The following NUS1 variants were observed in gnomAD, a reference collection of about 807,000 sequenced individuals.
NUS1 encodes the protein dehydrodolichyl diphosphate synthase complex subunit NUS1.
For synonymous variants in NUS1, 135 were observed against 155.2 expected (o/e 0.87, Z 0.97); for missense variants, 292 against 382.9 (o/e 0.76, Z 1.98).
At chr6:117,690,301 TA>T (rs142862001) in intron 1 of NUS1, among the ~76,000 whole-genome samples, 16,887 of 152,208 alleles carry the variant, frequency 0.11, 1,606 homozygotes, top group African/African-American at 0.26. Flanking sequence ...CATTCATACG[TA>T]GTGCCATCTT....
intron 4 of NUS1, among the ~76,000 whole-genome samples, chr6:117,705,635 TG>T (rs1406116605): frequency 1.3e-5 from 2 of 151,926 alleles, no homozygotes; most frequent in Non-Finnish European, 2.9e-5. Flanking sequence ...AAGGGAAGGG[TG>T]GGGTTCTGAC....
chr6:117,696,593 A>G (rs893243624), intron 3 of NUS1, among the ~76,000 whole-genome samples: 1 of 152,196 alleles, frequency 6.6e-6, no homozygotes, highest in Non-Finnish European at 1.5e-5. Context: ...GAAACCTTAC[A>G]GGCTGGGAGA....
chr6:117,685,551 T>C (rs1311763635), intron 1 of NUS1, among the ~76,000 whole-genome samples: 1 of 151,974 alleles, frequency 6.6e-6, no homozygotes, highest in African/African-American at 2.4e-5. Context: ...AGGGTCTTGC[T>C]ACATTGCTCA....
intron 1 of NUS1, among the ~76,000 whole-genome samples, chr6:117,690,451 A>G (rs747305342): frequency 3.0e-4 from 46 of 152,142 alleles, no homozygotes; most frequent in Admixed American, 7.2e-4. Flanking sequence ...CTGAGCTCCC[A>G]TATTCTTTCA....
chr6:117,692,041 A>G (rs1309926529), intron 1 of NUS1, among the ~76,000 whole-genome samples: 1 of 152,146 alleles, frequency 6.6e-6, no homozygotes, highest in African/African-American at 2.4e-5. Context: ...GGATATTGAA[A>G]TGAATATATA....
At chr6:117,686,985 T>C (rs554010394) in intron 1 of NUS1, among the ~76,000 whole-genome samples, 26 of 152,094 alleles carry the variant, frequency 1.7e-4, no homozygotes, top group South Asian at 6.2e-4. Flanking sequence ...GGTCAAGTTA[T>C]GAGTTATTAG....
At chr6:117,683,629 T>G (rs73528143) in intron 1 of NUS1, among the ~76,000 whole-genome samples, 452 of 151,946 alleles carry the variant, frequency 3.0e-3, no homozygotes, top group African/African-American at 0.01. Context: ...GAGAGATTGT[T>G]TCAATGCTTA....
At chr6:117,680,631 G>A (rs1031147109) in intron 1 of NUS1, among the ~76,000 whole-genome samples, 2 of 152,176 alleles carry the variant, frequency 1.3e-5, no homozygotes. Flanking sequence ...CAAGCTACCT[G>A]TATGATACTT....
chr6:117,676,337 G>T (rs1325686679), intron 1 of NUS1, among the ~76,000 whole-genome samples: 1 of 152,238 alleles, frequency 6.6e-6, no homozygotes, highest in African/African-American at 2.4e-5. Context: ...CCAGCACTTT[G>T]GGAGGCCGAG....
intron 1 of NUS1, among the ~76,000 whole-genome samples, chr6:117,677,153 G>A (rs1772996273): frequency 6.6e-6 from 1 of 152,184 alleles, no homozygotes; most frequent in South Asian, 2.1e-4. Context: ...CTAAAGCACT[G>A]TGCTAGGCAT....
chr6:117,679,933 G>A (rs1480892351), intron 1 of NUS1, among the ~76,000 whole-genome samples: 2 of 152,134 alleles, frequency 1.3e-5, no homozygotes, highest in East Asian at 3.8e-4. Context: ...AAGGGAGATG[G>A]ACGGGCAGCC....
Position 117,676,005 on chromosome 6 carries a change from C to A in NUS1, c.335C>A (p.Pro112His). Residue 112 changes from proline to histidine, a missense_variant, in exon 1 of 5, where the codon CCC becomes CAC. Physicochemically the swap from Pro to His is moderately conservative, Grantham distance 77. Transcript: ENST00000368494. ...GLVITEVEQE[P>H]SFSDIASLVV... The stretch of plus-strand genomic sequence containing the variant: ...GTGATCACCGAGGTGGAGCAGGAAC[C>A]CAGCTTCTCGGACATCGCGAGCCTC... 6.5e-7 allele frequency: 1 copy of A among 1,549,646 alleles called. No homozygotes were observed. Among genetic ancestry groups the A allele is most frequent in the African/African-American group, 1.4e-5 (1 of 73,098 alleles).
chr6:117,695,694 AG>A (rs749472672), intron 3 of NUS1, among the ~76,000 whole-genome samples: 1 of 152,194 alleles, frequency 6.6e-6, no homozygotes, highest in Non-Finnish European at 1.5e-5. Flanking sequence ...CACCATCAAA[AG>A]TTCCTTTGTG....
At chr6:117,687,351 A>G (rs575525746) in intron 1 of NUS1, among the ~76,000 whole-genome samples, 3 of 152,348 alleles carry the variant, frequency 2.0e-5, no homozygotes, top group South Asian at 4.1e-4. Flanking sequence ...TATGGAAAAT[A>G]TGGGAAAAGA....
intron 1 of NUS1, 36 bp downstream of exon 1, chr6:117,676,121 C>G: frequency 1.9e-6 from 3 of 1,549,670 alleles, no homozygotes; most frequent in Non-Finnish European, 2.6e-6. Flanking sequence ...GTGGCCGAGG[C>G]GTCTTGGACC....
intron 1 of NUS1, among the ~76,000 whole-genome samples, chr6:117,687,667 T>C (rs1020326639): frequency 5.3e-5 from 8 of 152,158 alleles, no homozygotes; most frequent in Non-Finnish European, 7.4e-5. Flanking sequence ...TTGAGGAACA[T>C]AGGCAATTCT....
At chr6:117,676,582 T>C (rs1235943753) in intron 1 of NUS1, among the ~76,000 whole-genome samples, 1 of 152,146 alleles carries the variant, frequency 6.6e-6, no homozygotes, top group Admixed American at 6.5e-5. Context: ...CTGTCTCAAA[T>C]AAGTAAATAA....
At chr6:117,704,085 A>G (rs1582477388) in intron 4 of NUS1, among the ~76,000 whole-genome samples, 1 of 152,174 alleles carries the variant, frequency 6.6e-6, no homozygotes, top group Non-Finnish European at 1.5e-5. Flanking sequence ...CAGAGCAGAC[A>G]GTGTTAGGCA....
rs552118796 is a variant in NUS1, at chr6:117,682,428, G to A, written c.415+6343G>A. 3.3e-5 allele frequency among the ~76,000 whole-genome samples: 5 copies of A among 152,052 alleles called. No homozygotes were observed. In the South Asian group the frequency reaches 6.2e-4, roughly 19 times the overall value. Reference sequence around the variant, plus strand: ...CAGCCTGGGGAATATAGTGAGACCCGCATCTCTGAAAAATAAAAATAGAAA... The same window carrying A: ...CAGCCTGGGGAATATAGTGAGACCCACATCTCTGAAAAATAAAAATAGAAA... On this transcript the variant is annotated intron_variant, in intron 1 of 4. Coordinates refer to ENST00000368494, the MANE Select transcript of NUS1 (RefSeq NM_138459.5).
Sources: gnomAD v4.1 joint callset for allele counts (sites outside exome capture counted in the v4.1 genomes callset) on GRCh38, gnomAD v4.1.1 for gene constraint, MANE v1.5 for transcripts, NCBI Gene and HGNC (gene_info 2026-07-23, HGNC 2026-07-21) for gene names.